TNFSF4: variants seen among roughly 807,000 people sequenced by gnomAD.
The protein encoded by TNFSF4 is tumor necrosis factor ligand superfamily member 4.
In TNFSF4, 4 loss-of-function variants were observed where a neutral mutation model predicts 7.3. The ratio of observed to expected loss-of-function variants is 0.55; its 90% CI spans 0.27 to 1.25. TNFSF4 has a LOEUF of 1.25. Ranked by LOEUF, TNFSF4 falls within the 50% of genes most tolerant of loss-of-function variation. TNFSF4 has a pLI of 0.12. For synonymous variants in TNFSF4, 76 were observed against 83.7 expected (o/e 0.91, Z 0.50); for missense variants, 181 against 208.8 (o/e 0.87, Z 0.82).
the TNFSF4 span, among the ~76,000 whole-genome samples, chr1:173,409,803 G>C: frequency 6.6e-6 from 1 of 152,160 alleles, no homozygotes; most frequent in African/African-American, 2.4e-5. Context: ...AAGGGGAAGT[G>C]GTGGCTGGCA....
chr1:173,429,677 G>A, the TNFSF4 span, among the ~76,000 whole-genome samples: 280 of 152,326 alleles, frequency 1.8e-3, 2 homozygotes, highest in African/African-American at 6.4e-3. Context: ...GCGTGGTGGC[G>A]CTTTATAAAT....
At chr1:173,407,912 G>C in the TNFSF4 span, among the ~76,000 whole-genome samples, 1 of 152,182 alleles carries the variant, frequency 6.6e-6, no homozygotes, top group Non-Finnish European at 1.5e-5. Flanking sequence ...AGGTGATAAG[G>C]TCATCAGGGC....
chr1:173,435,793 A>G, the TNFSF4 span, among the ~76,000 whole-genome samples: 1 of 152,236 alleles, frequency 6.6e-6, no homozygotes, highest in African/African-American at 2.4e-5. Flanking sequence ...AACTGTAGTC[A>G]ATTATTTGTT....
chr1:173,253,780 T>G, the TNFSF4 span, among the ~76,000 whole-genome samples: 1 of 152,326 alleles, frequency 6.6e-6, no homozygotes, highest in East Asian at 1.9e-4. Context: ...AGCATATAAA[T>G]TAAAGTGAGA....
the TNFSF4 span, among the ~76,000 whole-genome samples, chr1:173,333,654 C>A: frequency 6.6e-6 from 1 of 152,158 alleles, no homozygotes; most frequent in Non-Finnish European, 1.5e-5. Flanking sequence ...AGGCAGCTAC[C>A]TACAAGCCAA....
chr1:173,210,981 T>C (rs1650356505), upstream of TNFSF4, among the ~76,000 whole-genome samples: 1 of 152,248 alleles, frequency 6.6e-6, no homozygotes, highest in African/African-American at 2.4e-5. Flanking sequence ...GCAGGCTCTT[T>C]TTCTAATTTA....
At chr1:173,423,183 AG>A in the TNFSF4 span, among the ~76,000 whole-genome samples, 1 of 152,176 alleles carries the variant, frequency 6.6e-6, no homozygotes, top group Non-Finnish European at 1.5e-5. Flanking sequence ...GATCCTCATA[AG>A]CACCCTCCCT....
the TNFSF4 span, among the ~76,000 whole-genome samples, chr1:173,257,379 G>A: frequency 4.6e-5 from 7 of 152,196 alleles, no homozygotes; most frequent in Non-Finnish European, 1.0e-4. Flanking sequence ...AATGACTTAT[G>A]ACACTAACTA....
chr1:173,363,142 G>T, the TNFSF4 span: 2 of 329,278 alleles, frequency 6.1e-6, no homozygotes, highest in South Asian at 3.2e-5. Flanking sequence ...TTTCTGCAAG[G>T]GCCTGCACTG....
At chr1:173,275,215 C>T in the TNFSF4 span, among the ~76,000 whole-genome samples, 2 of 152,098 alleles carry the variant, frequency 1.3e-5, no homozygotes, top group Admixed American at 6.6e-5. Flanking sequence ...ACAGAACAGG[C>T]CTGGGCAGAT....
the TNFSF4 span, among the ~76,000 whole-genome samples, chr1:173,217,882 G>T: frequency 2.0e-3 from 302 of 152,108 alleles, no homozygotes; most frequent in Non-Finnish European, 3.2e-3. Context: ...CTGAGTAGCT[G>T]GGACACAGGA....
the TNFSF4 span, among the ~76,000 whole-genome samples, chr1:173,357,393 C>A: frequency 2.6e-5 from 4 of 152,202 alleles, no homozygotes; most frequent in African/African-American, 9.7e-5. Context: ...GTATGCCCAG[C>A]AAGAATTTGC....
At chr1:173,316,254 C>A in the TNFSF4 span, among the ~76,000 whole-genome samples, 1 of 151,888 alleles carries the variant, frequency 6.6e-6, no homozygotes, top group Non-Finnish European at 1.5e-5. Flanking sequence ...ATTAGTTTAA[C>A]TCTAATAATC....
At chr1:173,190,481 C>T (rs4113832) in intron 1 of TNFSF4, among the ~76,000 whole-genome samples, 22,737 of 152,172 alleles carry the variant, frequency 0.15, 2,143 homozygotes, top group Middle Eastern at 0.27. Context: ...AATGGAGAGT[C>T]ATTCTGAGCC....
At chr1:173,265,519 T>C in the TNFSF4 span, among the ~76,000 whole-genome samples, 3 of 152,204 alleles carry the variant, frequency 2.0e-5, no homozygotes, top group African/African-American at 7.2e-5. Context: ...ATGGAGAGCC[T>C]GCATAAACCC....
At chr1:173,398,501 T>G in the TNFSF4 span, among the ~76,000 whole-genome samples, 2 of 149,154 alleles carry the variant, frequency 1.3e-5, no homozygotes, top group Non-Finnish European at 3.0e-5. Context: ...CTCGGCTTAC[T>G]GCAAGCTCTG....
chr1:173,308,267 T>TCTCTCTCTCTC, the TNFSF4 span, among the ~76,000 whole-genome samples: 1 of 132,896 alleles, frequency 7.5e-6, no homozygotes, highest in African/African-American at 3.2e-5. Context: ...CTCTCTCTCT[T>TCTCTCTCTCTC]TCTCTCTCTC....
the TNFSF4 span, among the ~76,000 whole-genome samples, chr1:173,356,259 G>A: frequency 1.3e-5 from 2 of 152,106 alleles, no homozygotes; most frequent in Non-Finnish European, 2.9e-5. Flanking sequence ...TCTCAGAAGA[G>A]GCATCTTCTC....
the TNFSF4 span, among the ~76,000 whole-genome samples, chr1:173,385,063 G>T: frequency 6.6e-6 from 1 of 152,134 alleles, no homozygotes; most frequent in Non-Finnish European, 1.5e-5. Flanking sequence ...GCATTTGCTG[G>T]GATAAATGAC....
Sources: gnomAD v4.1 joint callset for allele counts (sites outside exome capture counted in the v4.1 genomes callset) on GRCh38, gnomAD v4.1.1 for gene constraint, MANE v1.5 for transcripts, NCBI Gene and HGNC (gene_info 2026-07-23, HGNC 2026-07-21) for gene names.